PRKAG2: variants seen among roughly 807,000 people sequenced by gnomAD.
The protein encoded by PRKAG2 is 5'-AMP-activated protein kinase subunit gamma-2.
Under a neutral mutation model 69.6 loss-of-function variants are expected in PRKAG2, and 26 were observed. The ratio of observed to expected loss-of-function variants is 0.37; its 90% CI spans 0.27 to 0.52. The LOEUF (loss-of-function observed/expected upper bound fraction) is 0.52, where lower values mean the gene tolerates loss of function less well. PRKAG2 is among the 20% of genes least tolerant of loss of function. The probability of loss-of-function intolerance (pLI) is 0.90; values close to 1 mark genes in which losing one functional copy is unlikely to be tolerated. For missense variants in PRKAG2, 557 were observed against 740.0 expected (o/e 0.75, Z 2.87); for synonymous variants, 293 against 285.0 (o/e 1.03, Z -0.28).
intron 5 of PRKAG2, among the ~76,000 whole-genome samples, chr7:151,600,679 C>T (rs1815829474): frequency 6.6e-6 from 1 of 152,184 alleles, no homozygotes; most frequent in South Asian, 2.1e-4. Flanking sequence ...GGTTTCATGT[C>T]TAAGCAAACG....
chr7:151,560,664 G>T lies in PRKAG2; in HGVS notation c.1585-47C>A, dbSNP rs752885069. 119 of 1,608,182 alleles carry T rather than the reference G, an allele frequency of 7.4e-5. No homozygotes were observed. The African/African-American group carries it at 1.4e-3, about 19-fold the overall frequency. The stretch of plus-strand genomic sequence containing the variant: ...ACGTGAAAATTAACATTTAAAAAAG[G>T]TTTAAAATGGACATGAGAAATAATG... On this transcript the variant is annotated intron_variant, in intron 14 of 15. Transcript: ENST00000287878.
chr7:151,782,856 C>G (rs2076791627), intron 2 of PRKAG2, among the ~76,000 whole-genome samples: 1 of 152,238 alleles, frequency 6.6e-6, no homozygotes, highest in Admixed American at 6.5e-5. Flanking sequence ...GCAAGCAACA[C>G]TGAGTGGAAA....
chr7:151,759,061 A>G (rs1384745707), intron 3 of PRKAG2, among the ~76,000 whole-genome samples: 2 of 152,080 alleles, frequency 1.3e-5, no homozygotes, highest in African/African-American at 4.8e-5. Flanking sequence ...GTATCGCTCA[A>G]TTAAAACCTG....
chr7:151,768,459 C>G (rs2075851911), intron 3 of PRKAG2, among the ~76,000 whole-genome samples: 1 of 81,844 alleles, frequency 1.2e-5, no homozygotes, highest in Non-Finnish European at 2.3e-5. Flanking sequence ...TCTTCCTATT[C>G]TTTCTTTCTT....
At position 151,807,118 on chromosome 7, in the gene PRKAG2, A is replaced by G; in HGVS notation, c.115-20577T>C. On this transcript the variant is annotated intron_variant, in intron 1 of 15. Transcript: ENST00000287878. The surrounding 1 kb of genome is among the most constrained non-coding windows in gnomAD (Gnocchi z 4.4). ...GTAAAGGGTCAGAGGGACCTTGTGG[A>G]GTGGTGGAAATGTTCCAGATCACAC... 2.6e-6 allele frequency: 1 copy of G among 382,810 alleles called. No individual in the cohort carries two copies. Among genetic ancestry groups the G allele is most frequent in the South Asian group, 2.0e-5 (1 of 50,220 alleles). 23.7% of individuals were successfully genotyped at this position (382,810 alleles called of 1,614,324 possible). A position where few individuals can be genotyped will look rare whatever the true frequency, so the allele number is the denominator to read the frequency against.
At chr7:151,593,262 A>C (rs976098528) in intron 6 of PRKAG2, among the ~76,000 whole-genome samples, 4 of 152,140 alleles carry the variant, frequency 2.6e-5, no homozygotes, top group Non-Finnish European at 5.9e-5. Flanking sequence ...ATCTCGGCTC[A>C]CTGCAGCCTC....
intron 1 of PRKAG2, among the ~76,000 whole-genome samples, chr7:151,838,698 C>T (rs562406753): frequency 1.1e-4 from 16 of 146,008 alleles, no homozygotes; most frequent in Non-Finnish European, 2.2e-4. Context: ...TAAAGCAAGA[C>T]CCTGTTTCAA....
chr7:151,874,198 GATGTAT>G (rs541004349), intron 1 of PRKAG2, among the ~76,000 whole-genome samples: 17 of 114,818 alleles, frequency 1.5e-4, no homozygotes, highest in South Asian at 2.6e-4. Flanking sequence ...ATATGTATAT[GATGTAT>G]ATGTATATGT....
chr7:151,701,735 C>T (rs1419581899), intron 3 of PRKAG2, among the ~76,000 whole-genome samples: 3 of 151,002 alleles, frequency 2.0e-5, no homozygotes, highest in African/African-American at 4.9e-5. Context: ...CCCAGCTACT[C>T]GGGAGGCTGA....
At position 151,699,332 on chromosome 7, in the gene PRKAG2, G is replaced by C. The variant is rs1837271065; in HGVS notation, c.467-23695C>G. ...AGGCCTAGTCCCAGCAGATCTCCGG[G>C]AGATGCTGACTGCTGGCCGGATGCC... On this transcript the variant is annotated intron_variant, in intron 3 of 15. Transcript: ENST00000287878. This position sits in a 1 kb window ranked among gnomAD's most constrained non-coding sequence, Gnocchi z 4.5. 6.6e-6 allele frequency among the ~76,000 whole-genome samples: 1 copy of C among 152,224 alleles called. No individual in the cohort carries two copies. The highest frequency in any genetic ancestry group is 1.5e-5 in the Non-Finnish European group (1 of 68,032).
intron 1 of PRKAG2, among the ~76,000 whole-genome samples, chr7:151,847,196 CT>C (rs1205342523): frequency 6.6e-6 from 1 of 152,216 alleles, no homozygotes; most frequent in Non-Finnish European, 1.5e-5. Context: ...TAGTGTTATT[CT>C]GGGTACACAG....
chr7:151,873,816 A>C (rs2080276303), intron 1 of PRKAG2, among the ~76,000 whole-genome samples: 3 of 151,992 alleles, frequency 2.0e-5, no homozygotes, highest in Admixed American at 6.6e-5. Flanking sequence ...GCACCACCCC[A>C]CGGGCACGCC....
chr7:151,767,492 T>A (rs1386904549), intron 3 of PRKAG2, among the ~76,000 whole-genome samples: 1 of 152,232 alleles, frequency 6.6e-6, no homozygotes. Flanking sequence ...GGTTTTACCA[T>A]GTTGGCCAGG....
intron 3 of PRKAG2, among the ~76,000 whole-genome samples, chr7:151,734,065 G>A (rs147798464): frequency 6.6e-6 from 1 of 151,934 alleles, no homozygotes; most frequent in East Asian, 1.9e-4. Context: ...ATTAGACGCC[G>A]CTCTCTAGTT....
chr7:151,797,908 C>T (rs1313658996), intron 1 of PRKAG2, among the ~76,000 whole-genome samples: 1 of 152,184 alleles, frequency 6.6e-6, no homozygotes, highest in Admixed American at 6.5e-5. Context: ...TGCACAACCA[C>T]CAAAAACTGA....
intron 3 of PRKAG2, among the ~76,000 whole-genome samples, chr7:151,706,515 C>A (rs371445953): frequency 6.6e-6 from 1 of 152,098 alleles, no homozygotes. Flanking sequence ...CCCAGGAAGA[C>A]ACCGAGATCT....
intron 1 of PRKAG2, among the ~76,000 whole-genome samples, chr7:151,837,846 T>C (rs1335834965): frequency 6.6e-6 from 1 of 152,030 alleles, no homozygotes; most frequent in African/African-American, 2.4e-5. Context: ...AATCCAGAGT[T>C]CCCGCCCCCT....
At chr7:151,863,475 G>A (rs1207515886) in intron 1 of PRKAG2, among the ~76,000 whole-genome samples, 1 of 152,114 alleles carries the variant, frequency 6.6e-6, no homozygotes, top group Non-Finnish European at 1.5e-5. Context: ...ATGCTTCATC[G>A]CCCTTCCCCT....
intron 1 of PRKAG2, among the ~76,000 whole-genome samples, chr7:151,800,554 G>A (rs1393291047): frequency 2.6e-5 from 4 of 152,114 alleles, no homozygotes; most frequent in Admixed American, 1.3e-4. Context: ...CCAGGGCCAC[G>A]CTGGTCACTG....
Sources: allele counts gnomAD v4.1 joint callset (sites outside exome capture counted in the v4.1 genomes callset), GRCh38; gene constraint gnomAD v4.1.1; non-coding constraint Gnocchi (gnomAD v3.1); transcripts MANE v1.5; gene names NCBI Gene and HGNC (gene_info 2026-07-23, HGNC 2026-07-21).